Variants in STK39 observed in about 807,000 individuals in gnomAD.
STK39 encodes the protein serine/threonine kinase 39, also known as STE20/SPS1-related proline-alanine-rich protein kinase.
A neutral mutation model predicts 77.8 loss-of-function variants in STK39; 20 were observed. The ratio of observed to expected loss-of-function variants is 0.26; its 90% CI spans 0.18 to 0.37. The LOEUF is 0.37. Among genes scored for constraint, STK39 ranks in the 10% least tolerant of loss-of-function variants. The pLI, the probability that STK39 is intolerant of heterozygous loss-of-function variation, is 1.00. For synonymous variants in STK39, 246 were observed against 234.1 expected, an observed-to-expected ratio of 1.05 and a Z score of -0.47; for missense variants, 479 against 656.5, an observed-to-expected ratio of 0.73 and a Z score of 2.95.
At chr2:167,998,512 A>G (rs1683909931) in intron 16 of STK39, among the ~76,000 whole-genome samples, 1 of 152,222 alleles carries the variant, frequency 6.6e-6, no homozygotes, top group African/African-American at 2.4e-5. Context: ...AGGCAATATT[A>G]TGAAATGGAA....
intron 1 of STK39, among the ~76,000 whole-genome samples, chr2:168,182,441 C>T (rs963110649): frequency 2.0e-5 from 3 of 152,288 alleles, no homozygotes; most frequent in South Asian, 2.1e-4. Flanking sequence ...TCAGCCCAAA[C>T]CAAACCACTC....
chr2:168,101,589 T>C (rs1686828177), intron 10 of STK39, among the ~76,000 whole-genome samples: 1 of 151,794 alleles, frequency 6.6e-6, no homozygotes, highest in Non-Finnish European at 1.5e-5. Context: ...CATACAAAAA[T>C]TAGCCAGGCA....
intron 10 of STK39, among the ~76,000 whole-genome samples, chr2:168,115,512 T>C (rs1468306158): frequency 6.6e-6 from 1 of 152,216 alleles, no homozygotes; most frequent in Non-Finnish European, 1.5e-5. Context: ...ACAATGATGT[T>C]CATCCCAGTG....
chr2:168,230,389 C>A (rs1690423609), intron 1 of STK39, among the ~76,000 whole-genome samples: 1 of 152,124 alleles, frequency 6.6e-6, no homozygotes, highest in Admixed American at 6.5e-5. Context: ...AAAGTACAGG[C>A]AAGTTTCTTC....
chr2:168,074,744 G>T (rs1686031503), intron 12 of STK39, among the ~76,000 whole-genome samples: 1 of 152,192 alleles, frequency 6.6e-6, no homozygotes, highest in Non-Finnish European at 1.5e-5. Context: ...TTTCTTATAA[G>T]TACTGGGATC....
At chr2:168,001,496 T>C (rs1006153030) in intron 16 of STK39, among the ~76,000 whole-genome samples, 10 of 141,744 alleles carry the variant, frequency 7.1e-5, no homozygotes, top group Admixed American at 6.7e-4. Flanking sequence ...TTTCTTAGGA[T>C]TGGCAAGAAA....
At chr2:167,968,018 C>G (rs929993065) in intron 16 of STK39, among the ~76,000 whole-genome samples, 8 of 151,784 alleles carry the variant, frequency 5.3e-5, no homozygotes, top group African/African-American at 1.9e-4. Flanking sequence ...ATGTTTAGCT[C>G]TCACAAGTGA....
chr2:168,036,110 A>G (rs1684946430), intron 14 of STK39, among the ~76,000 whole-genome samples: 1 of 152,214 alleles, frequency 6.6e-6, no homozygotes, highest in Admixed American at 6.5e-5. Flanking sequence ...TAAGTCAGAC[A>G]TGGCCAGATT....
In STK39 at chr2:168,173,520, T is replaced by A. The variant is rs528103025; in HGVS notation, c.322-6113A>T. 2.0e-5 allele frequency among the ~76,000 whole-genome samples: 3 copies of A among 151,864 alleles called. No individual in the cohort carries two copies. The East Asian group carries it at 5.8e-4, about 29-fold the overall frequency. ...TTTTCTGGACTGTCATTTTCAATCA[T>A]GAAAATGTCATTGTGAATTTTTTTA... On this transcript the variant is annotated intron_variant, in intron 2 of 17. Transcript: ENST00000355999.
chr2:168,119,248 G>C (rs1240548900), intron 10 of STK39, among the ~76,000 whole-genome samples: 1 of 152,098 alleles, frequency 6.6e-6, no homozygotes, highest in Non-Finnish European at 1.5e-5. Context: ...CGGTAACTGC[G>C]GAAGTGGGTC....
intron 10 of STK39, among the ~76,000 whole-genome samples, chr2:168,094,148 T>C (rs1308716261): frequency 2.6e-5 from 4 of 152,148 alleles, no homozygotes; most frequent in Non-Finnish European, 5.9e-5. Context: ...TCAGTGGTTG[T>C]TTCCAGGCCA....
intron 3 of STK39, among the ~76,000 whole-genome samples, chr2:168,165,350 C>T (rs1254201833): frequency 2.7e-5 from 4 of 148,712 alleles, no homozygotes; most frequent in Admixed American, 2.6e-4. Context: ...ACAGAAGATT[C>T]TCAGCTTCAT....
chr2:168,015,466 G>A (rs762195632), intron 15 of STK39, among the ~76,000 whole-genome samples: 7 of 152,136 alleles, frequency 4.6e-5, no homozygotes, highest in African/African-American at 9.7e-5. Flanking sequence ...AGTGAAGGCC[G>A]GCTGTCATTA....
intron 5 of STK39, among the ~76,000 whole-genome samples, chr2:168,145,780 T>C (rs1688121803): frequency 6.6e-6 from 1 of 152,164 alleles, no homozygotes; most frequent in Non-Finnish European, 1.5e-5. Flanking sequence ...GGGGTTCTGA[T>C]AGCACTCGAC....
At chr2:168,140,414 A>C (rs1687949958) in intron 6 of STK39, 24 bp from the exon 7 acceptor site, 1 of 1,577,368 alleles carries the variant, frequency 6.3e-7, no homozygotes, top group South Asian at 1.1e-5. Context: ...CAGGAAAAAA[A>C]CACAATCATA....
chr2:168,018,575 A>AAAGAAAGAAAGAAAGG (rs1684488968), intron 14 of STK39, among the ~76,000 whole-genome samples: 1 of 144,410 alleles, frequency 6.9e-6, no homozygotes, highest in Admixed American at 7.3e-5. Flanking sequence ...AGAAAGAAAG[A>AAAGAAAGAAAGAAAGG]AAGAAAGAAA....
intron 1 of STK39, among the ~76,000 whole-genome samples, chr2:168,244,249 G>C (rs1206048541): frequency 6.6e-6 from 1 of 152,180 alleles, no homozygotes; most frequent in African/African-American, 2.4e-5. Context: ...GCAAAATCCT[G>C]TGTTTATTTT....
At chr2:168,175,898 G>T (rs1574528661) in intron 2 of STK39, among the ~76,000 whole-genome samples, 1 of 152,126 alleles carries the variant, frequency 6.6e-6, no homozygotes, top group Admixed American at 6.6e-5. Context: ...AGTGGCAAGA[G>T]ACAGATGACA....
At chr2:168,105,702 T>C (rs1051437942) in intron 10 of STK39, among the ~76,000 whole-genome samples, 1 of 152,208 alleles carries the variant, frequency 6.6e-6, no homozygotes, top group African/African-American at 2.4e-5. Flanking sequence ...TGCATGCACA[T>C]TTAATTGAGA....
Sources: allele counts gnomAD v4.1 joint callset (sites outside exome capture counted in the v4.1 genomes callset), GRCh38; gene constraint gnomAD v4.1.1; transcripts MANE v1.5; gene names NCBI Gene and HGNC (gene_info 2026-07-23, HGNC 2026-07-21).